Variants in ABRACL observed in about 807,000 individuals in gnomAD.
ABRACL encodes ABRA C-terminal like.
In ABRACL, 4 loss-of-function variants were observed where a neutral mutation model predicts 7.0. The observed-to-expected ratio is 0.57, with a 90% CI of 0.28 to 1.30. The LOEUF is 1.30. Ranked by LOEUF, ABRACL falls within the 50% of genes most tolerant of loss-of-function variation. ABRACL has a pLI of 0.10. For missense variants in ABRACL, 104 were observed against 97.3 expected (o/e 1.07, Z -0.29); for synonymous variants, 30 against 36.0 (o/e 0.83, Z 0.60).
chr6:139,039,138 T>A (rs1040119550), intron 2 of ABRACL, among the ~76,000 whole-genome samples: 1 of 151,672 alleles, frequency 6.6e-6, no homozygotes, highest in Non-Finnish European at 1.5e-5. Context: ...GACAGGAGAA[T>A]CACTTGAACC....
intron 2 of ABRACL, among the ~76,000 whole-genome samples, chr6:139,037,347 G>T (rs987737925): frequency 6.6e-6 from 1 of 151,982 alleles, no homozygotes; most frequent in East Asian, 1.9e-4. Context: ...GCAACCTCTT[G>T]TCTTCTGAGT....
chr6:139,042,427 G>A (rs891346781), intron 2 of ABRACL, among the ~76,000 whole-genome samples: 1 of 152,226 alleles, frequency 6.6e-6, no homozygotes, highest in East Asian at 1.9e-4. Context: ...AATAAAAATA[G>A]AGGGAGAGAA....
At chr6:139,032,997 C>A (rs1562218762) in intron 1 of ABRACL, among the ~76,000 whole-genome samples, 1 of 152,186 alleles carries the variant, frequency 6.6e-6, no homozygotes, top group Non-Finnish European at 1.5e-5. Flanking sequence ...TGAAGAGGGG[C>A]ACCCGGTGCT....
At chr6:139,034,365 C>A in intron 2 of ABRACL, 144 bp downstream of exon 2, 1 of 1,564,584 alleles carries the variant, frequency 6.4e-7, no homozygotes, top group Non-Finnish European at 8.7e-7. Context: ...CAGGTTATAA[C>A]TGCCCTTAGC....
intron 1 of ABRACL, among the ~76,000 whole-genome samples, chr6:139,030,743 G>A (rs1387223475): frequency 6.6e-6 from 1 of 152,170 alleles, no homozygotes; most frequent in Non-Finnish European, 1.5e-5. Context: ...AATGGCAAAA[G>A]AGGAAGAGGA....
rs751351295 is a variant in ABRACL at position 139,042,842 on chromosome 6, C to T, written c.185C>T (p.Pro62Leu). 31 of 1,613,766 alleles carry T rather than the reference C, an allele frequency of 1.9e-5. No homozygotes were observed. The Admixed American group carries it at 4.3e-4, about 23-fold the overall frequency. Residue 62 changes from proline (P) to leucine (L), a missense_variant, in exon 3 of 3, where the codon CCA becomes CTA. Physicochemically the swap from Pro to Leu is moderately conservative, Grantham distance 98 (BLOSUM62 -3). Coordinates refer to ENST00000367660, the MANE Select transcript of ABRACL (RefSeq NM_021243.3). ...AAKRRKIVTY[P>L]GELLLQGVHD... ...AAACGAAGGAAGATTGTAACATATC[C>T]AGGAGAGCTGCTTCTGCAAGGTGTT...
chr6:139,032,950 A>G (rs1379589261), intron 1 of ABRACL, among the ~76,000 whole-genome samples: 1 of 152,236 alleles, frequency 6.6e-6, no homozygotes, highest in Non-Finnish European at 1.5e-5. Flanking sequence ...ACCCTGTAGA[A>G]GTGAAAGTCC....
chr6:139,036,632 T>A (rs1786160057), intron 2 of ABRACL, among the ~76,000 whole-genome samples: 1 of 152,104 alleles, frequency 6.6e-6, no homozygotes, highest in African/African-American at 2.4e-5. Flanking sequence ...GTAGTACAAG[T>A]GGTATAAAGT....
At chr6:139,041,735 G>C (rs1484456468) in intron 2 of ABRACL, among the ~76,000 whole-genome samples, 3 of 151,880 alleles carry the variant, frequency 2.0e-5, no homozygotes, top group African/African-American at 7.3e-5. Context: ...CTTGTTATGT[G>C]TATAGTTCTT....
intron 1 of ABRACL, among the ~76,000 whole-genome samples, chr6:139,029,176 C>T (rs772153152): frequency 4.6e-5 from 7 of 152,058 alleles, no homozygotes; most frequent in Non-Finnish European, 8.8e-5. Context: ...TACCGCGGTG[C>T]GACGTGTCGG....
At chr6:139,034,549 T>A in intron 2 of ABRACL, 1 of 872,098 alleles carries the variant, frequency 1.1e-6, no homozygotes, top group Non-Finnish European at 1.7e-6. Flanking sequence ...GTCATACTAT[T>A]AAAATTCATG....
At chr6:139,038,741 A>C (rs1184236570) in intron 2 of ABRACL, among the ~76,000 whole-genome samples, 1 of 152,162 alleles carries the variant, frequency 6.6e-6, no homozygotes, top group Non-Finnish European at 1.5e-5. Flanking sequence ...AAGACAGACA[A>C]ACTGGAAGTA....
At chr6:139,032,497 C>T (rs539857729) in intron 1 of ABRACL, among the ~76,000 whole-genome samples, 1 of 152,294 alleles carries the variant, frequency 6.6e-6, no homozygotes, top group East Asian at 1.9e-4. Context: ...AATATTCGCA[C>T]AAGCAACAGA....
chr6:139,033,230 A>G (rs1382220719), intron 1 of ABRACL, among the ~76,000 whole-genome samples: 1 of 152,226 alleles, frequency 6.6e-6, no homozygotes, highest in African/African-American at 2.4e-5. Flanking sequence ...AGGGGGTGGA[A>G]GAGGCTGGAA....
At chr6:139,041,495 G>A (rs200432044) in intron 2 of ABRACL, among the ~76,000 whole-genome samples, 1,394 of 29,788 alleles carry the variant, frequency 0.047, 31 homozygotes, top group African/African-American at 0.096. Context: ...ATATATATAT[G>A]TGTGTGTGTG....
chr6:139,042,063 G>A (rs1454895494), intron 2 of ABRACL, among the ~76,000 whole-genome samples: 1 of 152,130 alleles, frequency 6.6e-6, no homozygotes, highest in East Asian at 1.9e-4. Context: ...AATCGCCCAA[G>A]GATAGGGAGG....
intron 2 of ABRACL, chr6:139,034,690 T>A (rs1035566364): frequency 6.5e-5 from 15 of 231,528 alleles, no homozygotes; most frequent in Admixed American, 3.0e-4. Context: ...TTATACTAAA[T>A]TGTCTTTATT....
At chr6:139,035,625 G>A (rs1294070660) in intron 2 of ABRACL, among the ~76,000 whole-genome samples, 1 of 151,884 alleles carries the variant, frequency 6.6e-6, no homozygotes, top group African/African-American at 2.4e-5. Context: ...TGGGATTATA[G>A]GCACCTGCCA....
chr6:139,031,901 A>G (rs1786086363), intron 1 of ABRACL, among the ~76,000 whole-genome samples: 1 of 152,172 alleles, frequency 6.6e-6, no homozygotes, highest in African/African-American at 2.4e-5. Flanking sequence ...AGAATGGGAA[A>G]TGGGTGCTGG....
Sources: allele counts gnomAD v4.1 joint callset (sites outside exome capture counted in the v4.1 genomes callset), GRCh38; gene constraint gnomAD v4.1.1; transcripts MANE v1.5; gene names NCBI Gene and HGNC (gene_info 2026-07-23, HGNC 2026-07-21).